Variants in MAD1L1 observed in about 807,000 individuals in gnomAD.
The protein encoded by MAD1L1 is mitotic spindle assembly checkpoint protein MAD1.
A neutral mutation model predicts 96.9 loss-of-function variants in MAD1L1; 95 were observed. The observed-to-expected ratio is 0.98, with a 90% CI of 0.83 to 1.16. MAD1L1 has a LOEUF of 1.16. Among genes scored for constraint, MAD1L1 ranks in the 50% most tolerant of loss-of-function variants. The pLI, the probability that MAD1L1 is intolerant of heterozygous loss-of-function variation, is 0.00. For synonymous variants in MAD1L1, 473 were observed against 396.6 expected (o/e 1.19, Z -2.29); for missense variants, 1,007 against 954.4 (o/e 1.06, Z -0.73).
intron 12 of MAD1L1, among the ~76,000 whole-genome samples, chr7:2,034,536 T>A (rs1783380556): frequency 6.6e-6 from 1 of 152,196 alleles, no homozygotes; most frequent in African/African-American, 2.4e-5. Flanking sequence ...TTTTGGTATG[T>A]CTACACGAAG....
intron 11 of MAD1L1, among the ~76,000 whole-genome samples, chr7:2,135,647 G>A (rs371192288): frequency 3.0e-4 from 46 of 152,204 alleles, no homozygotes; most frequent in African/African-American, 7.7e-4. Flanking sequence ...GGCAATGTCC[G>A]GGCCTCCTGC....
At chr7:2,072,362 G>A (rs753416651) in intron 11 of MAD1L1, among the ~76,000 whole-genome samples, 3 of 152,196 alleles carry the variant, frequency 2.0e-5, no homozygotes, top group South Asian at 2.1e-4. Flanking sequence ...CCCATCAGCC[G>A]CCTCGGAAAG....
chr7:1,901,941 T>C (rs1447133193), intron 17 of MAD1L1, among the ~76,000 whole-genome samples: 1 of 152,134 alleles, frequency 6.6e-6, no homozygotes, highest in East Asian at 1.9e-4. Context: ...CTCTTAGAGG[T>C]ACCTGCTACC....
At chr7:1,881,682 C>T (rs1435540861) in intron 18 of MAD1L1, among the ~76,000 whole-genome samples, 1 of 152,168 alleles carries the variant, frequency 6.6e-6, no homozygotes, top group African/African-American at 2.4e-5. Flanking sequence ...GATATAGTGT[C>T]GAAGGGACAG....
At chr7:1,825,087 T>A (rs1008611122) in intron 18 of MAD1L1, among the ~76,000 whole-genome samples, 5 of 152,232 alleles carry the variant, frequency 3.3e-5, no homozygotes, top group Non-Finnish European at 7.3e-5. Flanking sequence ...CAGATTTTTT[T>A]ATATGCTGCA....
chr7:1,855,718 C>T lies in MAD1L1; in HGVS notation c.1999-39490G>A, dbSNP rs1397479791. On this transcript the variant is annotated intron_variant, in intron 18 of 18. Transcript: ENST00000265854. ...TGCTCCTCCCTTCCTCCTGAGCCCTCACCAGCATCACCTTTCATGGCCTGT... is the reference window on the plus strand; with the variant it reads ...TGCTCCTCCCTTCCTCCTGAGCCCTTACCAGCATCACCTTTCATGGCCTGT... Among the ~76,000 whole-genome samples the T allele has an allele frequency of 1.3e-5, 2 of 152,184 alleles. 1 individual carries two copies. Among genetic ancestry groups the T allele is most frequent in the African/African-American group, 4.8e-5 (2 of 41,452 alleles).
chr7:1,958,083 T>C (rs985850377), intron 15 of MAD1L1, among the ~76,000 whole-genome samples: 126 of 151,904 alleles, frequency 8.3e-4, no homozygotes, highest in African/African-American at 2.9e-3. Context: ...GATGGCGGAG[T>C]GCAGGGGACA....
intron 17 of MAD1L1, among the ~76,000 whole-genome samples, chr7:1,901,937 G>C (rs912342765): frequency 5.9e-5 from 9 of 152,206 alleles, no homozygotes; most frequent in African/African-American, 2.2e-4. Context: ...GGCCCTCTTA[G>C]AGGTACCTGC....
At chr7:2,116,423 C>G (rs1397977898) in intron 11 of MAD1L1, among the ~76,000 whole-genome samples, 1 of 152,186 alleles carries the variant, frequency 6.6e-6, no homozygotes, top group Non-Finnish European at 1.5e-5. Context: ...GAGACAAGAG[C>G]CTTGCCAGGG....
At chr7:2,028,297 C>T (rs928913319) in intron 12 of MAD1L1, among the ~76,000 whole-genome samples, 26 of 151,630 alleles carry the variant, frequency 1.7e-4, no homozygotes, top group African/African-American at 4.1e-4. Flanking sequence ...TGGTGGTGGG[C>T]GCCTGTAGTC....
intron 16 of MAD1L1, among the ~76,000 whole-genome samples, chr7:1,946,847 C>T (rs551957814): frequency 2.6e-5 from 4 of 152,336 alleles, no homozygotes; most frequent in African/African-American, 4.8e-5. Flanking sequence ...CGGGTGCTCC[C>T]GGGCTGCCTT....
intron 10 of MAD1L1, 92 bp downstream of exon 10, chr7:2,213,120 G>C (rs900894592): frequency 7.4e-7 from 1 of 1,359,718 alleles, no homozygotes; most frequent in Non-Finnish European, 1.0e-6. Flanking sequence ...TGCCTGGCTG[G>C]AGACTGCGCT....
chr7:2,221,028 A>G, intron 5 of MAD1L1: 2 of 1,611,724 alleles, frequency 1.2e-6, no homozygotes, highest in South Asian at 2.2e-5. Context: ...GGACCCTGTG[A>G]CAGGAGAAGG....
chr7:1,866,064 T>A (rs1231816451), intron 18 of MAD1L1, among the ~76,000 whole-genome samples: 1 of 152,220 alleles, frequency 6.6e-6, no homozygotes, highest in African/African-American at 2.4e-5. Context: ...TAGCCAGGGA[T>A]GTCCATGTCA....
intron 11 of MAD1L1, among the ~76,000 whole-genome samples, chr7:2,086,496 A>G (rs1397137045): frequency 1.3e-5 from 2 of 152,240 alleles, no homozygotes; most frequent in Admixed American, 6.5e-5. Flanking sequence ...GCCTCTGCCC[A>G]TGGGAAAGCC....
At chr7:2,171,079 C>T (rs1477384532) in intron 10 of MAD1L1, among the ~76,000 whole-genome samples, 6 of 152,356 alleles carry the variant, frequency 3.9e-5, no homozygotes, top group South Asian at 2.1e-4. Context: ...GCCCAATTTT[C>T]CTTGCTGCTA....
chr7:1,846,745 G>A (rs1158976376), intron 18 of MAD1L1: 6 of 164,558 alleles, frequency 3.6e-5, no homozygotes, highest in Admixed American at 1.1e-4. Flanking sequence ...TGCTCCAGAC[G>A]CCCCCCCACC....
At chr7:2,094,331 C>T (rs887073090) in intron 11 of MAD1L1, among the ~76,000 whole-genome samples, 1 of 152,226 alleles carries the variant, frequency 6.6e-6, no homozygotes, top group African/African-American at 2.4e-5. Flanking sequence ...GGGACACGCA[C>T]TCACCCACAC....
chr7:2,101,892 G>C (rs1786796713), intron 11 of MAD1L1, among the ~76,000 whole-genome samples: 1 of 152,148 alleles, frequency 6.6e-6, no homozygotes, highest in Admixed American at 6.5e-5. Flanking sequence ...CACATACCAG[G>C]CAGGAGAAGG....
Sources: gnomAD v4.1 joint callset for allele counts (sites outside exome capture counted in the v4.1 genomes callset) on GRCh38, gnomAD v4.1.1 for gene constraint, MANE v1.5 for transcripts, NCBI Gene and HGNC (gene_info 2026-07-23, HGNC 2026-07-21) for gene names.